BMPR1B: variants seen among roughly 807,000 people sequenced by gnomAD.
BMPR1B encodes bone morphogenetic protein receptor type 1B.
In BMPR1B, 12 loss-of-function variants were observed where a neutral mutation model predicts 59.1. The ratio of observed to expected loss-of-function variants is 0.20; its 90% confidence interval spans 0.13 to 0.33. The LOEUF is 0.33. Ranked by LOEUF, BMPR1B falls within the 10% of genes least tolerant of loss-of-function variation. BMPR1B has a pLI of 1.00. For missense variants in BMPR1B, 550 were observed against 610.9 expected, an observed-to-expected ratio of 0.90 and a Z score of 1.05; for synonymous variants, 237 against 207.3, an observed-to-expected ratio of 1.14 and a Z score of -1.23.
chr4:94,982,518 C>CT (rs1253843832), intron 2 of BMPR1B, among the ~76,000 whole-genome samples: 2 of 152,154 alleles, frequency 1.3e-5, no homozygotes, highest in Non-Finnish European at 2.9e-5. Context: ...TGGCATCTGC[C>CT]TTTTACTCCA....
chr4:94,795,106 A>G (rs1180424433), intron 1 of BMPR1B, among the ~76,000 whole-genome samples: 1 of 143,288 alleles, frequency 7.0e-6, no homozygotes, highest in East Asian at 2.0e-4. Context: ...CCAGTTTTCA[A>G]AGGGAATGCT....
At chr4:94,795,438 T>G (rs1182182509) in intron 1 of BMPR1B, among the ~76,000 whole-genome samples, 1 of 152,206 alleles carries the variant, frequency 6.6e-6, no homozygotes, top group East Asian at 1.9e-4. Flanking sequence ...TTGAAACATT[T>G]TTTTTTTTCA....
chr4:95,068,876 A>G (rs1728052182), intron 3 of BMPR1B, among the ~76,000 whole-genome samples: 1 of 152,208 alleles, frequency 6.6e-6, no homozygotes, highest in Non-Finnish European at 1.5e-5. Flanking sequence ...AAGTACAGCA[A>G]GTCCTCACTT....
intron 2 of BMPR1B, among the ~76,000 whole-genome samples, chr4:94,973,488 C>T (rs80018102): frequency 0.029 from 4,436 of 152,206 alleles, 209 homozygotes; most frequent in African/African-American, 0.1. Context: ...GATTTTTCTC[C>T]GAAGTTACAC....
At position 94,975,369 on chromosome 4, in the gene BMPR1B, T is replaced by G. The variant is rs74765592; in HGVS notation, c.-112-20671T>G. Among the ~76,000 whole-genome samples, 134 of 133,362 alleles carry G rather than the reference T, an allele frequency of 1.0e-3. 1 individual carries two copies. Among genetic ancestry groups the G allele is most frequent in the Non-Finnish European group, 1.3e-3 (85 of 65,546 alleles). The allele number at this position is 133,362 out of a possible 152,430, so 87.5% of individuals were successfully genotyped here. The stretch of plus-strand genomic sequence containing the variant: ...TTAATTTCCTTTTGTTTTTGTTTTT[T>G]TTTTTTTTTTTTGAGACGGGGTCTC... On this transcript the variant is annotated intron_variant, in intron 2 of 12. Coordinates refer to ENST00000515059, the MANE Select transcript of BMPR1B (RefSeq NM_001203.3).
At chr4:95,027,325 C>G (rs919833793) in intron 3 of BMPR1B, among the ~76,000 whole-genome samples, 6 of 152,096 alleles carry the variant, frequency 3.9e-5, no homozygotes, top group African/African-American at 1.4e-4. Flanking sequence ...TTGTTGGAGT[C>G]TAAAATGCTA....
chr4:95,093,700 A>G (rs1374301741), intron 3 of BMPR1B, among the ~76,000 whole-genome samples: 2 of 152,066 alleles, frequency 1.3e-5, no homozygotes, highest in Non-Finnish European at 2.9e-5. Context: ...AATGTTGAAA[A>G]CATGATTATC....
At chr4:95,113,913 G>C (rs1731811563) in intron 4 of BMPR1B, among the ~76,000 whole-genome samples, 1 of 151,984 alleles carries the variant, frequency 6.6e-6, no homozygotes, top group South Asian at 2.1e-4. Context: ...TTGTTGAGAG[G>C]ATTAAATGAT....
chr4:95,038,692 A>G (rs1351759786), intron 3 of BMPR1B, among the ~76,000 whole-genome samples: 1 of 152,210 alleles, frequency 6.6e-6, no homozygotes, highest in Non-Finnish European at 1.5e-5. Context: ...TGTTTCTAAA[A>G]TAGCAGTTAC....
chr4:94,875,144 C>G lies in BMPR1B; in HGVS notation c.-182-687C>G, dbSNP rs575275262. Among the ~76,000 whole-genome samples, 5 of 152,200 alleles carry G rather than the reference C, an allele frequency of 3.3e-5. No homozygotes were observed. In the South Asian group the frequency reaches 8.3e-4, roughly 25 times the overall value. ...GAAACATCATATGGTGTCTGTAATT[C>G]TATTATATGGAATATTATATTTTCT... On this transcript the variant is annotated intron_variant, in intron 1 of 12. Coordinates refer to ENST00000515059, the MANE Select transcript of BMPR1B (RefSeq NM_001203.3).
intron 1 of BMPR1B, among the ~76,000 whole-genome samples, chr4:94,860,521 C>A (rs932178515): frequency 6.6e-5 from 10 of 152,104 alleles, no homozygotes; most frequent in African/African-American, 2.4e-4. Flanking sequence ...TTTTTAAAAA[C>A]TGAGGCTGAA....
At chr4:94,996,929 T>C (rs1316827317) in intron 3 of BMPR1B, among the ~76,000 whole-genome samples, 1 of 152,232 alleles carries the variant, frequency 6.6e-6, no homozygotes, top group African/African-American at 2.4e-5. Context: ...CATTATGGTT[T>C]TTCATATTCT....
chr4:94,999,942 A>G (rs1039751296), intron 3 of BMPR1B, among the ~76,000 whole-genome samples: 1 of 152,252 alleles, frequency 6.6e-6, no homozygotes, highest in African/African-American at 2.4e-5. Context: ...ACGTTTAAAA[A>G]AAGTAGTTGT....
rs769707423 is a variant in BMPR1B at position 95,154,953 on chromosome 4, T to C, written c.*280T>C. On this transcript the variant is annotated 3_prime_UTR_variant, in exon 13 of 13. Coordinates refer to ENST00000515059, the MANE Select transcript of BMPR1B (RefSeq NM_001203.3). ...TGCTTTCTAAGAAAGCCCTGTATTT[T>C]GTGATTGCCTTTTTTTTTTTTTAAG... 2 of 400,950 alleles carry C rather than the reference T, an allele frequency of 5.0e-6. No individual in the cohort carries two copies. The highest frequency in any genetic ancestry group is 9.1e-6 in the Non-Finnish European group (2 of 219,340). 24.8% of individuals were successfully genotyped at this position (400,950 alleles called of 1,614,324 possible). A position where few individuals can be genotyped will look rare whatever the true frequency, so the allele number is the denominator to read the frequency against.
chr4:95,105,740 TG>T (rs1461921060), intron 4 of BMPR1B, among the ~76,000 whole-genome samples: 1 of 152,036 alleles, frequency 6.6e-6, no homozygotes, highest in African/African-American at 2.4e-5. Flanking sequence ...ACTACAAAGT[TG>T]TGACCACTGA....
chr4:94,778,259 G>A (rs1344877461), intron 1 of BMPR1B, among the ~76,000 whole-genome samples: 2 of 151,852 alleles, frequency 1.3e-5, no homozygotes, highest in Admixed American at 6.6e-5. Context: ...ATTATTCACT[G>A]GTTTTTAAAA....
chr4:94,870,382 A>G (rs17022403), intron 1 of BMPR1B, among the ~76,000 whole-genome samples: 3 of 100,814 alleles, frequency 3.0e-5, no homozygotes, highest in East Asian at 4.1e-4. Context: ...ACTTCCTGCC[A>G]AGAGAGAGAG....
At chr4:94,773,545 C>A (rs1722260513) in intron 1 of BMPR1B, among the ~76,000 whole-genome samples, 1 of 152,026 alleles carries the variant, frequency 6.6e-6, no homozygotes, top group African/African-American at 2.4e-5. Flanking sequence ...AATTCTGCCA[C>A]AATAAATACT....
chr4:94,807,687 C>T (rs1407599052), intron 1 of BMPR1B, among the ~76,000 whole-genome samples: 1 of 152,066 alleles, frequency 6.6e-6, no homozygotes, highest in Non-Finnish European at 1.5e-5. Flanking sequence ...GCTTCAGCAT[C>T]TATTTACTTT....
Sources: gnomAD v4.1 joint callset for allele counts (sites outside exome capture counted in the v4.1 genomes callset) on GRCh38, gnomAD v4.1.1 for gene constraint, MANE v1.5 for transcripts, NCBI Gene and HGNC (gene_info 2026-07-23, HGNC 2026-07-21) for gene names.